The following RFX6 variants were observed in gnomAD, a reference collection of about 807,000 sequenced individuals.
RFX6 encodes the protein DNA-binding protein RFX6.
In RFX6, 50 loss-of-function variants were observed where a neutral mutation model predicts 110.8. The ratio of observed to expected loss-of-function variants is 0.45; its 90% CI spans 0.36 to 0.57. The LOEUF is 0.57. Ranked by LOEUF, RFX6 falls within the 20% of genes least tolerant of loss-of-function variation. The pLI, the probability that RFX6 is intolerant of heterozygous loss-of-function variation, is 0.00. For synonymous variants in RFX6, 383 were observed against 411.2 expected, an observed-to-expected ratio of 0.93 and a Z score of 0.83; for missense variants, 990 against 1,127.0, an observed-to-expected ratio of 0.88 and a Z score of 1.74.
rs1186478544 is a variant in RFX6, at chr6:116,920,434, A to C, written c.1307A>C (p.Glu436Ala). 1 of 1,613,400 alleles carries C rather than the reference A, an allele frequency of 6.2e-7. No homozygotes were observed. The highest frequency in any genetic ancestry group is 8.5e-7 in the Non-Finnish European group (1 of 1,179,570). Residue 436 changes from glutamate (E) to alanine (A), a missense_variant, in exon 12 of 19, where the codon GAA becomes GCA. This residue lies in a region of RFX6 where 45 missense variants were observed against 29.3 expected (regional missense o/e 1.53). Coordinates refer to ENST00000332958, the MANE Select transcript of RFX6 (RefSeq NM_173560.4). ...LLTISGSTDT[E>A]SGIYTEHDSI... ...ACCATTTCAGGCAGCACAGACACTG[A>C]ATCTGGTATCTACACTGAACGTAAG...
intron 4 of RFX6, among the ~76,000 whole-genome samples, chr6:116,887,165 G>A (rs1386917222): frequency 1.3e-5 from 2 of 152,010 alleles, no homozygotes; most frequent in Non-Finnish European, 2.9e-5. Context: ...GTCAAAATTA[G>A]GAACAATTAA....
In RFX6 at chr6:116,928,895, T is replaced by A; in HGVS notation, c.2535T>A (p.Asp845Glu). The A allele has an allele frequency of 6.2e-7, 1 of 1,613,842 alleles. No homozygotes were observed. The highest frequency in any genetic ancestry group is 8.5e-7 in the Non-Finnish European group (1 of 1,179,716). Residue 845 changes from aspartate (D) to glutamate (E), a missense_variant, in exon 18 of 19, where the codon GAT becomes GAA. Physicochemically the swap from Asp to Glu is conservative, Grantham distance 45. Transcript: ENST00000332958. Reference protein sequence around the residue: ...SDIHDPLNILDDSGRKQTSSF... With the variant: ...SDIHDPLNILEDSGRKQTSSF... ...TCCACGATCCACTTAACATTTTAGA[T>A]GACAGTGGTAGAAAACAGACCAGCT...
Position 116,927,462 on chromosome 6 carries a change from C to T in RFX6, c.2321C>T (p.Thr774Ile). The change falls in exon 17 of 19, where the codon ACA (threonine) becomes ATA (isoleucine). Residue 774 changes from threonine (T) to isoleucine (I), a missense_variant. Thr to Ile is a moderately conservative substitution (Grantham distance 89). Around this residue, in one of 5 missense-constraint regions of RFX6, gnomAD observed 438 missense variants for 441.9 expected, o/e 0.99. Transcript: ENST00000332958. ...QDSHNMQFLN[T>I]GSFNFLSNTG... ...TCACACAATATGCAGTTTTTAAATA[C>T]AGGAAGCTTCAATTTCTTGAGCAAC... is the stretch of plus-strand genomic sequence containing the variant. The T allele has an allele frequency of 1.2e-6, 2 of 1,614,076 alleles. No homozygotes were observed. The highest frequency in any genetic ancestry group is 1.3e-5 in the African/African-American group (1 of 75,044).
At position 116,927,161 on chromosome 6, in the gene RFX6, G is replaced by C. The variant is rs759553166; in HGVS notation, c.2020G>C (p.Ala674Pro). 2 of 1,614,148 alleles carry C rather than the reference G, an allele frequency of 1.2e-6. No individual in the cohort carries two copies. Among genetic ancestry groups the C allele is most frequent in the African/African-American group, 2.7e-5 (2 of 75,052 alleles). The stretch of plus-strand genomic sequence containing the variant: ...CCCAAGTGTGGGCCCAGTACTGTCA[G>C]CTCCATCACACTGCTCCACATACCC... ...RPPSVGPVLS[A>P]PSHCSTYPEP... The change falls in exon 17 of 19, where the codon GCT becomes CCT. Residue 674 changes from alanine (A) to proline (P), a missense_variant. Coordinates refer to ENST00000332958, the MANE Select transcript of RFX6 (RefSeq NM_173560.4).
chr6:116,888,163 G>A (rs1398096070), intron 4 of RFX6, among the ~76,000 whole-genome samples: 1 of 152,084 alleles, frequency 6.6e-6, no homozygotes, highest in Non-Finnish European at 1.5e-5. Context: ...TAACATCAGG[G>A]CTACTAGCTC....
Position 116,913,183 on chromosome 6 carries a change from G to C in RFX6, c.780+2141G>C, listed in dbSNP as rs192608728. On this transcript the variant is annotated intron_variant, in intron 7 of 18. Coordinates refer to ENST00000332958, the MANE Select transcript of RFX6 (RefSeq NM_173560.4). Reference sequence around the variant, plus strand: ...CTGGTTCAGTGATTCTCTTGCCTCAGCTTCTGTAGCTGGGATTACAAGTGC... The same window carrying C: ...CTGGTTCAGTGATTCTCTTGCCTCACCTTCTGTAGCTGGGATTACAAGTGC... Among the ~76,000 whole-genome samples, 82 of 150,112 alleles carry C rather than the reference G, an allele frequency of 5.5e-4. 1 individual carries two copies. Among genetic ancestry groups the C allele is most frequent in the Non-Finnish European group, 4.2e-4 (28 of 67,252 alleles).
intron 6 of RFX6, among the ~76,000 whole-genome samples, chr6:116,910,309 A>G (rs1029668631): frequency 2.6e-5 from 4 of 152,144 alleles, no homozygotes; most frequent in Admixed American, 1.3e-4. Context: ...CAGTAGCATT[A>G]TAAGTTATTT....
intron 16 of RFX6, among the ~76,000 whole-genome samples, chr6:116,926,149 T>C (rs892363372): frequency 1.3e-5 from 2 of 152,116 alleles, no homozygotes; most frequent in Non-Finnish European, 2.9e-5. Context: ...AAACCCCGTC[T>C]CTACTAAACA....
rs1355707128 is a variant in RFX6 at position 116,925,450 on chromosome 6, C to T, written c.1679-3C>T. ...AATTTCCCATTTTAAAAACTCTTTC[C>T]AGATGCGAGTAAAGCTGCTTTCACT... On this transcript the variant is annotated splice_polypyrimidine_tract_variant and splice_region_variant and intron_variant, in intron 15 of 18. Transcript: ENST00000332958. 1 of 1,612,300 alleles carries T rather than the reference C, an allele frequency of 6.2e-7. No individual in the cohort carries two copies. The highest frequency in any genetic ancestry group is 1.3e-5 in the African/African-American group (1 of 74,892).
At chr6:116,917,338 GT>G (rs5879394) in intron 9 of RFX6, among the ~76,000 whole-genome samples, 52,979 of 139,070 alleles carry the variant, frequency 0.38, 9,300 homozygotes, top group South Asian at 0.46. Flanking sequence ...GGATTGTCTT[GT>G]TTTTTTTTTT....
At chr6:116,907,067 G>A (rs1423443001) in intron 6 of RFX6, among the ~76,000 whole-genome samples, 1 of 151,808 alleles carries the variant, frequency 6.6e-6, no homozygotes, top group Admixed American at 6.6e-5. Context: ...GTTGAGTATT[G>A]TTATCATGAA....
At chr6:116,908,262 T>C (rs371273232) in intron 6 of RFX6, among the ~76,000 whole-genome samples, 4 of 152,134 alleles carry the variant, frequency 2.6e-5, no homozygotes, top group African/African-American at 9.6e-5. Flanking sequence ...TTTGTCTTTC[T>C]GTGCCTGGCT....
chr6:116,922,053 A>G lies in RFX6; in HGVS notation c.1339A>G (p.Thr447Ala), dbSNP rs1287304868. The G allele has an allele frequency of 6.9e-7, 1 of 1,442,038 alleles. No individual in the cohort carries two copies. The highest frequency in any genetic ancestry group is 9.7e-7 in the Non-Finnish European group (1 of 1,030,474). 89.3% of individuals were successfully genotyped at this position (1,442,038 alleles called of 1,614,324 possible). Reference sequence around the variant, plus strand: ...TTTTTCCTGGGTAGATGACTCTATCACTGTGTTCCAAGAACTGAAGGATCT... The same window carrying G: ...TTTTTCCTGGGTAGATGACTCTATCGCTGTGTTCCAAGAACTGAAGGATCT... ...SGIYTEHDSI[T>A]VFQELKDLLK... The change falls in exon 13 of 19, where the codon ACT becomes GCT. Residue 447 changes from threonine (T) to alanine (A), a missense_variant. Around this residue, in one of 5 missense-constraint regions of RFX6, gnomAD observed 45 missense variants for 29.3 expected, o/e 1.53. Coordinates refer to ENST00000332958, the MANE Select transcript of RFX6 (RefSeq NM_173560.4).
intron 4 of RFX6, among the ~76,000 whole-genome samples, chr6:116,883,022 C>T (rs765645045): frequency 3.3e-5 from 5 of 152,132 alleles, no homozygotes; most frequent in Non-Finnish European, 7.4e-5. Context: ...CATTCAACAG[C>T]TATTTTCTAT....
intron 6 of RFX6, among the ~76,000 whole-genome samples, chr6:116,905,206 GTGTGTGTTTT>G: frequency 6.6e-6 from 1 of 152,224 alleles, no homozygotes; most frequent in East Asian, 1.9e-4. Context: ...GCGTGTGTTT[GTGTGTGTTTT>G]TGTGTTTATA....
intron 8 of RFX6, 28 bp downstream of exon 8, chr6:116,916,113 G>T: frequency 1.9e-6 from 3 of 1,564,290 alleles, no homozygotes; most frequent in South Asian, 2.2e-5. Context: ...TGCTTTATTT[G>T]ACCCTATTAT....
chr6:116,923,063 G>A (rs752839590), intron 13 of RFX6, 44 bp from the exon 14 acceptor site: 1 of 999,596 alleles, frequency 1.0e-6, no homozygotes, highest in South Asian at 1.3e-5. Context: ...ATGTAGTACT[G>A]AGAGGACGGA....
intron 12 of RFX6, among the ~76,000 whole-genome samples, chr6:116,920,942 G>C (rs565973384): frequency 1.3e-5 from 2 of 152,112 alleles, no homozygotes; most frequent in Admixed American, 1.3e-4. Context: ...TCATCCTGTG[G>C]TGTGTGATAA....
chr6:116,925,371 T>A, intron 15 of RFX6, 82 bp from the exon 16 acceptor site: 13 of 1,149,988 alleles, frequency 1.1e-5, no homozygotes, highest in Non-Finnish European at 1.5e-5. Context: ...AATGAAACAT[T>A]TTCATTTTCT....
Sources: gnomAD v4.1 joint callset for allele counts (sites outside exome capture counted in the v4.1 genomes callset) on GRCh38, gnomAD v4.1.1 for gene constraint, gnomAD v4.1.1 regional missense constraint, MANE v1.5 for transcripts, NCBI Gene and HGNC (gene_info 2026-07-23, HGNC 2026-07-21) for gene names.